The following CHST8 variants were observed in gnomAD, a reference collection of about 807,000 sequenced individuals.
CHST8 encodes carbohydrate sulfotransferase 8, also known as GALNAC-4-ST1.
A neutral mutation model predicts 15.0 loss-of-function variants in CHST8; 10 were observed. The ratio of observed to expected loss-of-function variants is 0.67; its 90% CI spans 0.41 to 1.13. The LOEUF (loss-of-function observed/expected upper bound fraction) is 1.13. CHST8 is among the 50% of genes most tolerant of loss of function. The pLI is 0.00. For missense variants in CHST8, 634 were observed against 608.2 expected (o/e 1.04, Z -0.45); for synonymous variants, 259 against 256.6 (o/e 1.01, Z -0.09).
At chr19:33,680,165 A>G (rs1328688730) in intron 2 of CHST8, among the ~76,000 whole-genome samples, 1 of 152,236 alleles carries the variant, frequency 6.6e-6, no homozygotes, top group African/African-American at 2.4e-5. Context: ...CCTGTGGCAA[A>G]TAGGGATAAT....
intron 3 of CHST8, among the ~76,000 whole-genome samples, chr19:33,756,843 C>A (rs1467380195): frequency 6.6e-6 from 1 of 152,220 alleles, no homozygotes; most frequent in African/African-American, 2.4e-5. Flanking sequence ...CTCCGCCCTC[C>A]CCACTTTCCC....
intron 3 of CHST8, among the ~76,000 whole-genome samples, chr19:33,746,680 A>G (rs1974318546): frequency 6.6e-6 from 1 of 152,216 alleles, no homozygotes; most frequent in Non-Finnish European, 1.5e-5. Flanking sequence ...AGGCAGGAGG[A>G]GTGACCTAGT....
In CHST8 at chr19:33,726,152, C is replaced by G. The variant is rs182648085; in HGVS notation, c.130+36761C>G. Among the ~76,000 whole-genome samples the G allele has an allele frequency of 2.5e-3, 380 of 152,242 alleles. 5 individuals carry two copies. Among genetic ancestry groups the G allele is most frequent in the Admixed American group, 0.024 (366 of 15,302 alleles). On this transcript the variant is annotated intron_variant, in intron 3 of 4. Coordinates refer to ENST00000650847, the MANE Select transcript of CHST8 (RefSeq NM_001127895.2). ...CCACTGACCTCTTGAGATGACTGTGCTTTGTGGCCAGGAGTGGAAGGTGTG... is the reference window on the plus strand; with the variant it reads ...CCACTGACCTCTTGAGATGACTGTGGTTTGTGGCCAGGAGTGGAAGGTGTG...
At chr19:33,728,480 C>A (rs1973941824) in intron 3 of CHST8, among the ~76,000 whole-genome samples, 2 of 152,226 alleles carry the variant, frequency 1.3e-5, no homozygotes, top group Non-Finnish European at 2.9e-5. Flanking sequence ...TGGGGGAACA[C>A]AGTGCCAGCA....
chr19:33,661,062 G>A (rs945634627), intron 1 of CHST8, among the ~76,000 whole-genome samples: 6 of 152,162 alleles, frequency 3.9e-5, no homozygotes, highest in African/African-American at 1.4e-4. Context: ...GAGGCACGGG[G>A]ACTTGGTGCA....
In CHST8 at chr19:33,772,898, C is replaced by T. The variant is rs746548182; in HGVS notation, c.1110C>T (p.Phe370=). ...SLIRAPRNLT[F]PRFKDRHSQE... ...TCCGCGCGCCGCGGAACCTGACCTT[C>T]CCCCGGTTCAAGGACCGGCACTCGC... Residue 370 remains phenylalanine (F), a synonymous_variant, in exon 5 of 5, where the codon TTC becomes TTT. Coordinates refer to ENST00000650847, the MANE Select transcript of CHST8 (RefSeq NM_001127895.2). 3.1e-6 allele frequency: 5 copies of T among 1,613,486 alleles called. No homozygotes were observed. Among genetic ancestry groups the T allele is most frequent in the East Asian group, 4.5e-5 (2 of 44,880 alleles).
chr19:33,676,924 A>G (rs1248438676), intron 2 of CHST8, among the ~76,000 whole-genome samples: 1 of 152,088 alleles, frequency 6.6e-6, no homozygotes, highest in Non-Finnish European at 1.5e-5. Flanking sequence ...AAATAGGAAG[A>G]TCTGAAGGTC....
intron 1 of CHST8, among the ~76,000 whole-genome samples, chr19:33,625,088 C>CTTTT (rs112353397): frequency 3.5e-5 from 5 of 144,422 alleles, no homozygotes; most frequent in Admixed American, 2.8e-4. Context: ...TTCTTTCTTT[C>CTTTT]TTTTTTTTTT....
At chr19:33,649,440 G>T (rs538249404) in intron 1 of CHST8, among the ~76,000 whole-genome samples, 1 of 152,140 alleles carries the variant, frequency 6.6e-6, no homozygotes, top group East Asian at 1.9e-4. Context: ...GGCCGGAAGC[G>T]CAGCCTCCAC....
rs569538446 is a variant in CHST8, at chr19:33,763,643, G to A, written c.131-7770G>A. On this transcript the variant is annotated intron_variant, in intron 3 of 4. Coordinates refer to ENST00000650847, the MANE Select transcript of CHST8 (RefSeq NM_001127895.2). ...TTTCCCATGAACACAGATGAGAATTGAAGCCCTTGGGTGAGGCTTTTTTCC... is the reference window on the plus strand; with the variant it reads ...TTTCCCATGAACACAGATGAGAATTAAAGCCCTTGGGTGAGGCTTTTTTCC... Among the ~76,000 whole-genome samples the A allele has an allele frequency of 3.8e-4, 58 of 152,378 alleles. No individual in the cohort carries two copies. The South Asian group carries it at 5.6e-3, about 15-fold the overall frequency.
intron 3 of CHST8, among the ~76,000 whole-genome samples, chr19:33,727,277 G>A (rs528583791): frequency 2.0e-5 from 3 of 152,104 alleles, no homozygotes; most frequent in South Asian, 2.1e-4. Flanking sequence ...GGCTTAGGAC[G>A]GACAGGCAGC....
At chr19:33,668,461 T>C (rs1347194069) in intron 2 of CHST8, among the ~76,000 whole-genome samples, 2 of 152,072 alleles carry the variant, frequency 1.3e-5, no homozygotes, top group Non-Finnish European at 2.9e-5. Context: ...GGGGGAAAGA[T>C]AGCCTCCGAG....
chr19:33,690,418 C>G (rs749431477), intron 3 of CHST8, among the ~76,000 whole-genome samples: 13 of 152,172 alleles, frequency 8.5e-5, no homozygotes, highest in African/African-American at 3.1e-4. Flanking sequence ...CCGCTCCGCC[C>G]CCATTATGGA....
At chr19:33,691,830 G>A (rs1271746369) in intron 3 of CHST8, among the ~76,000 whole-genome samples, 1 of 152,228 alleles carries the variant, frequency 6.6e-6, no homozygotes, top group South Asian at 2.1e-4. Flanking sequence ...CAGGTGTTGG[G>A]GTGGAGGGCT....
At chr19:33,624,243 G>A (rs1004774647) in intron 1 of CHST8, among the ~76,000 whole-genome samples, 7 of 152,188 alleles carry the variant, frequency 4.6e-5, no homozygotes, top group Admixed American at 2.6e-4. Context: ...GCAGCGTGGG[G>A]GCTCATTTAT....
At chr19:33,652,364 TTC>T (rs1229371278) in intron 1 of CHST8, among the ~76,000 whole-genome samples, 3 of 149,936 alleles carry the variant, frequency 2.0e-5, no homozygotes, top group African/African-American at 4.9e-5. Flanking sequence ...TATTTATATT[TTC>T]TCTCTCTTTT....
intron 3 of CHST8, among the ~76,000 whole-genome samples, chr19:33,754,624 GC>G (rs1430415777): frequency 6.6e-6 from 1 of 152,234 alleles, no homozygotes; most frequent in East Asian, 1.9e-4. Flanking sequence ...AGTCCAGGGT[GC>G]TGTGTGGCAG....
In CHST8 at chr19:33,660,948, G is replaced by C. The variant is rs567917062; in HGVS notation, c.-163-6819G>C. ...CTCCCAGGCTAGGCCCCAGTTTTGGGGCCCACCTGTCCTGCATCACTAGTA... is the reference window on the plus strand; with the variant it reads ...CTCCCAGGCTAGGCCCCAGTTTTGGCGCCCACCTGTCCTGCATCACTAGTA... On this transcript the variant is annotated intron_variant, in intron 1 of 4. Coordinates refer to ENST00000650847, the MANE Select transcript of CHST8 (RefSeq NM_001127895.2). Among the ~76,000 whole-genome samples, 16 of 152,214 alleles carry C rather than the reference G, an allele frequency of 1.1e-4. No individual in the cohort carries two copies. In the South Asian group the frequency reaches 3.3e-3, roughly 32 times the overall value.
intron 3 of CHST8, among the ~76,000 whole-genome samples, chr19:33,690,731 C>T (rs558888795): frequency 4.6e-5 from 7 of 152,194 alleles, no homozygotes; most frequent in African/African-American, 7.2e-5. Context: ...GCAGCAGAGC[C>T]GGCTCTCCTG....
Sources: gnomAD v4.1 joint callset for allele counts (sites outside exome capture counted in the v4.1 genomes callset) on GRCh38, gnomAD v4.1.1 for gene constraint, MANE v1.5 for transcripts, NCBI Gene and HGNC (gene_info 2026-07-23, HGNC 2026-07-21) for gene names.